TAFA5: variants seen among roughly 807,000 people sequenced by gnomAD.
TAFA5 encodes chemokine-like protein TAFA-5.
A neutral mutation model predicts 15.3 loss-of-function variants in TAFA5; 6 were observed. The observed-to-expected ratio is 0.39, with a 90% CI of 0.21 to 0.77. TAFA5 has a LOEUF of 0.77. Among genes scored for constraint, TAFA5 ranks in the 30% least tolerant of loss-of-function variants. The pLI is 0.41. For synonymous variants in TAFA5, 103 were observed against 80.7 expected, an observed-to-expected ratio of 1.28 and a Z score of -1.48; for missense variants, 161 against 193.1, an observed-to-expected ratio of 0.83 and a Z score of 0.98.
At chr22:48,506,786 A>C (rs6008745) in intron 1 of TAFA5, among the ~76,000 whole-genome samples, 26,264 of 152,168 alleles carry the variant, frequency 0.17, 2,960 homozygotes, top group East Asian at 0.37. Context: ...GGGGTCCCCA[A>C]CCACCAGGAT....
intron 1 of TAFA5, among the ~76,000 whole-genome samples, chr22:48,501,268 C>T (rs964213026): frequency 6.6e-6 from 1 of 152,238 alleles, no homozygotes; most frequent in African/African-American, 2.4e-5. Context: ...CACCGGGCAC[C>T]TTGAGTCAGC....
chr22:48,534,451 A>G (rs1254824230), intron 1 of TAFA5, among the ~76,000 whole-genome samples: 1 of 151,878 alleles, frequency 6.6e-6, no homozygotes, highest in Non-Finnish European at 1.5e-5. Flanking sequence ...AGGACTGAGG[A>G]GTGTGGAGGC....
intron 1 of TAFA5, among the ~76,000 whole-genome samples, chr22:48,608,070 G>A (rs1569045410): frequency 1.3e-5 from 2 of 151,998 alleles, no homozygotes; most frequent in Admixed American, 6.6e-5. Flanking sequence ...GAATGAGGCA[G>A]TGAGCCAGCC....
chr22:48,522,001 A>T lies in TAFA5; in HGVS notation c.112+32297A>T, dbSNP rs544886831. ...CGGCCAGCCAGTGCCCACCCTCCGG[A>T]TGGGGAGCGCATGGTTACTTCCCTT... On this transcript the variant is annotated intron_variant, in intron 1 of 3. Transcript: ENST00000402357. Among the ~76,000 whole-genome samples, 25 of 152,352 alleles carry T rather than the reference A, an allele frequency of 1.6e-4. No homozygotes were observed. In the East Asian group the frequency reaches 2.7e-3, roughly 16 times the overall value.
chr22:48,689,818 C>T (rs1928481729), intron 2 of TAFA5, among the ~76,000 whole-genome samples: 2 of 152,278 alleles, frequency 1.3e-5, no homozygotes, highest in South Asian at 4.1e-4. Flanking sequence ...TTGGGCCTTC[C>T]TTGCACCACC....
At chr22:48,675,672 C>G (rs994692031) in intron 2 of TAFA5, among the ~76,000 whole-genome samples, 1 of 152,258 alleles carries the variant, frequency 6.6e-6, no homozygotes, top group Non-Finnish European at 1.5e-5. Flanking sequence ...TGCAAAAGCC[C>G]GGCTTCCCTC....
At chr22:48,612,342 C>T (rs1273785374) in intron 1 of TAFA5, among the ~76,000 whole-genome samples, 1 of 152,212 alleles carries the variant, frequency 6.6e-6, no homozygotes, top group Non-Finnish European at 1.5e-5. Flanking sequence ...CACGGCAGGC[C>T]ACGCGTGTCT....
intron 2 of TAFA5, among the ~76,000 whole-genome samples, chr22:48,689,303 T>C (rs1245826025): frequency 6.6e-6 from 1 of 152,092 alleles, no homozygotes; most frequent in Non-Finnish European, 1.5e-5. Flanking sequence ...ACCCCAGAGA[T>C]GGGGCGCCTC....
intron 1 of TAFA5, among the ~76,000 whole-genome samples, chr22:48,636,711 C>A (rs1926464193): frequency 6.6e-6 from 1 of 152,148 alleles, no homozygotes; most frequent in African/African-American, 2.4e-5. Flanking sequence ...ACCCCAGGAG[C>A]CCCCAGGGCT....
chr22:48,546,444 T>C, intron 1 of TAFA5: 1 of 470,072 alleles, frequency 2.1e-6, no homozygotes, highest in Non-Finnish European at 4.4e-6. Context: ...TGCCCTATCC[T>C]CTTGGAGCTT....
Position 48,560,173 on chromosome 22 carries a change from G to A in TAFA5, c.112+70469G>A, listed in dbSNP as rs1304643688. On this transcript the variant is annotated intron_variant, in intron 1 of 3. Coordinates refer to ENST00000402357, the MANE Select transcript of TAFA5 (RefSeq NM_001082967.3). This position sits in a 1 kb window ranked among gnomAD's most constrained non-coding sequence, Gnocchi z 4.2. ...GGGAGGAGCGTCACTGCTCTCAGCA[G>A]GGGACCGTTTCTCTAACGGGAGCCT... Among the ~76,000 whole-genome samples the A allele has an allele frequency of 6.6e-6, 1 of 152,242 alleles. No homozygotes were observed. Among genetic ancestry groups the A allele is most frequent in the Non-Finnish European group, 1.5e-5 (1 of 68,046 alleles).
chr22:48,561,121 G>T (rs545364998), intron 1 of TAFA5, among the ~76,000 whole-genome samples: 1 of 152,248 alleles, frequency 6.6e-6, no homozygotes, highest in South Asian at 2.1e-4. Context: ...GGGAAGGCGT[G>T]TGTGATCATA....
intron 3 of TAFA5, among the ~76,000 whole-genome samples, chr22:48,729,081 G>T (rs1040358543): frequency 1.1e-4 from 16 of 152,012 alleles, no homozygotes; most frequent in Non-Finnish European, 2.1e-4. Flanking sequence ...ATACATAACT[G>T]AAGGAATAGA....
intron 1 of TAFA5, among the ~76,000 whole-genome samples, chr22:48,596,643 G>C (rs892540803): frequency 1.6e-4 from 24 of 151,916 alleles, no homozygotes; most frequent in Non-Finnish European, 3.2e-4. Flanking sequence ...ACATTGACAC[G>C]CTGTTATTAA....
At chr22:48,712,745 C>T (rs568646307) in intron 3 of TAFA5, among the ~76,000 whole-genome samples, 1 of 152,222 alleles carries the variant, frequency 6.6e-6, no homozygotes, top group Non-Finnish European at 1.5e-5. Context: ...CTTGGCCCGC[C>T]ACTCTGGCTC....
chr22:48,693,753 C>G (rs1485192986), intron 2 of TAFA5, among the ~76,000 whole-genome samples: 1 of 152,206 alleles, frequency 6.6e-6, no homozygotes, highest in African/African-American at 2.4e-5. Context: ...GGGCCTCCCC[C>G]AACCCTCCAG....
intron 1 of TAFA5, among the ~76,000 whole-genome samples, chr22:48,621,248 A>G (rs1272788834): frequency 2.3e-5 from 3 of 130,226 alleles, no homozygotes; most frequent in Non-Finnish European, 3.2e-5. Context: ...CTATCCATCT[A>G]CCCATCCATT....
chr22:48,743,024 G>A (rs1354878187), intron 3 of TAFA5, among the ~76,000 whole-genome samples: 1 of 152,202 alleles, frequency 6.6e-6, no homozygotes, highest in Non-Finnish European at 1.5e-5. Context: ...ACTCACTCGG[G>A]TCAGGCACAG....
intron 1 of TAFA5, among the ~76,000 whole-genome samples, chr22:48,510,235 CA>C: frequency 6.6e-6 from 1 of 152,308 alleles, no homozygotes; most frequent in East Asian, 1.9e-4. Context: ...GCAAAGGGAA[CA>C]GTCAGCAAGG....
Sources: allele counts gnomAD v4.1 joint callset (sites outside exome capture counted in the v4.1 genomes callset), GRCh38; gene constraint gnomAD v4.1.1; non-coding constraint Gnocchi (gnomAD v3.1); transcripts MANE v1.5; gene names NCBI Gene and HGNC (gene_info 2026-07-23, HGNC 2026-07-21).